IQCJ: variants seen among roughly 807,000 people sequenced by gnomAD.
The protein encoded by IQCJ is IQ motif containing J.
In IQCJ, 9 loss-of-function variants were observed where a neutral mutation model predicts 11.0. The ratio of observed to expected loss-of-function variants is 0.82; its 90% CI spans 0.49 to 1.43. The LOEUF is 1.43. Ranked by LOEUF, IQCJ falls within the 40% of genes most tolerant of loss-of-function variation. The probability of loss-of-function intolerance (pLI) is 0.00; values close to 1 mark genes in which losing one functional copy is unlikely to be tolerated. For missense variants in IQCJ, 146 were observed against 133.2 expected (o/e 1.10, Z -0.47); for synonymous variants, 55 against 51.3 (o/e 1.07, Z -0.31).
chr3:159,257,143 C>A (rs1727940863), intron 3 of IQCJ, among the ~76,000 whole-genome samples: 1 of 152,148 alleles, frequency 6.6e-6, no homozygotes, highest in African/African-American at 2.4e-5. Context: ...TGTTAATCAC[C>A]TACTTGTCAT....
chr3:159,135,092 A>G (rs377624074), intron 1 of IQCJ, among the ~76,000 whole-genome samples: 23 of 152,084 alleles, frequency 1.5e-4, no homozygotes, highest in African/African-American at 4.6e-4. Flanking sequence ...AGCCAGTTGG[A>G]CTCATGTGCT....
intron 1 of IQCJ, among the ~76,000 whole-genome samples, chr3:159,132,993 T>C (rs922717421): frequency 1.3e-5 from 2 of 152,230 alleles, no homozygotes; most frequent in African/African-American, 4.8e-5. Flanking sequence ...AGAACTATAA[T>C]ATTTGGTTTC....
At chr3:159,209,569 G>A (rs977412462) in intron 1 of IQCJ, among the ~76,000 whole-genome samples, 1 of 152,148 alleles carries the variant, frequency 6.6e-6, no homozygotes, top group Non-Finnish European at 1.5e-5. Context: ...ACTGCTAAAA[G>A]GGCACTGCTT....
chr3:159,155,081 C>T (rs1165018300), intron 1 of IQCJ, among the ~76,000 whole-genome samples: 8 of 152,252 alleles, frequency 5.3e-5, no homozygotes, highest in South Asian at 2.1e-4. Context: ...ACACTGAACA[C>T]GGGCTCCCCT....
intron 2 of IQCJ, among the ~76,000 whole-genome samples, chr3:159,248,603 C>T (rs1321446047): frequency 6.6e-6 from 1 of 152,128 alleles, no homozygotes; most frequent in Non-Finnish European, 1.5e-5. Flanking sequence ...TAAAAATGCC[C>T]TGGCTTAAGC....
In IQCJ at chr3:159,088,092, A is replaced by G. The variant is rs1447194120; in HGVS notation, c.9+18651A>G. Among the ~76,000 whole-genome samples, 162 of 152,040 alleles carry G rather than the reference A, an allele frequency of 1.1e-3. No homozygotes were observed. The East Asian group carries it at 0.012, about 11-fold the overall frequency. On this transcript the variant is annotated intron_variant, in intron 1 of 3. Transcript: ENST00000397832. ...TTTCCCTCTACACACTGCTTTGAATATGTCCCAGAGATTCTGGTATGTTGT... is the reference window on the plus strand; with the variant it reads ...TTTCCCTCTACACACTGCTTTGAATGTGTCCCAGAGATTCTGGTATGTTGT...
intron 1 of IQCJ, among the ~76,000 whole-genome samples, chr3:159,072,433 G>C (rs6798734): frequency 6.6e-6 from 1 of 151,742 alleles, no homozygotes; most frequent in East Asian, 1.9e-4. Flanking sequence ...GAAGGTGATG[G>C]CATTGTATGG....
At chr3:159,148,500 GA>G (rs1460262746) in intron 1 of IQCJ, among the ~76,000 whole-genome samples, 1 of 152,130 alleles carries the variant, frequency 6.6e-6, no homozygotes, top group Non-Finnish European at 1.5e-5. Flanking sequence ...GGATATTCTC[GA>G]AAGAATCTGT....
At chr3:159,072,454 C>T (rs912286899) in intron 1 of IQCJ, among the ~76,000 whole-genome samples, 5 of 151,702 alleles carry the variant, frequency 3.3e-5, no homozygotes, top group African/African-American at 9.7e-5. Context: ...AGAGAGGAGC[C>T]GTATTGGAAG....
intron 1 of IQCJ, among the ~76,000 whole-genome samples, chr3:159,131,306 G>A (rs1231014124): frequency 1.4e-5 from 2 of 147,338 alleles, no homozygotes; most frequent in Admixed American, 1.4e-4. Flanking sequence ...ACCACCCCCC[G>A]CCTCACCCCC....
intron 1 of IQCJ, among the ~76,000 whole-genome samples, chr3:159,232,619 G>T (rs994431333): frequency 3.9e-5 from 6 of 151,996 alleles, no homozygotes; most frequent in African/African-American, 9.7e-5. Context: ...TTTTGCATTT[G>T]CTGAGGAGGG....
chr3:159,168,363 A>T (rs772634483), intron 1 of IQCJ, among the ~76,000 whole-genome samples: 18 of 152,232 alleles, frequency 1.2e-4, no homozygotes, highest in Non-Finnish European at 2.4e-4. Context: ...CAGCAAAAAT[A>T]CTGTGTAAAT....
At chr3:159,225,416 G>A (rs1014041204) in intron 1 of IQCJ, among the ~76,000 whole-genome samples, 1 of 152,158 alleles carries the variant, frequency 6.6e-6, no homozygotes, top group African/African-American at 2.4e-5. Context: ...TAAGGGGGGA[G>A]CAGAGGAGCC....
chr3:159,212,928 G>T (rs1725031049), intron 1 of IQCJ, among the ~76,000 whole-genome samples: 1 of 152,190 alleles, frequency 6.6e-6, no homozygotes, highest in Non-Finnish European at 1.5e-5. Context: ...ACATCCTTCT[G>T]TAGTAAACAC....
intron 3 of IQCJ, 142 bp from the exon 4 acceptor site, chr3:159,262,406 C>T: frequency 1.5e-6 from 2 of 1,293,384 alleles, no homozygotes; most frequent in South Asian, 1.7e-5. Context: ...TCTCCTGATT[C>T]ACTACATCAC....
intron 1 of IQCJ, among the ~76,000 whole-genome samples, chr3:159,216,284 G>C (rs78560522): frequency 0.011 from 1,720 of 152,092 alleles, 29 homozygotes; most frequent in African/African-American, 0.04. Flanking sequence ...TGTCAACCAG[G>C]TCTAATTTTT....
intron 1 of IQCJ, among the ~76,000 whole-genome samples, chr3:159,135,588 C>G (rs1279918406): frequency 6.6e-6 from 1 of 152,184 alleles, no homozygotes; most frequent in East Asian, 1.9e-4. Flanking sequence ...CACATGACTT[C>G]CTCCATCACT....
chr3:159,079,290 C>T (rs1716151948), intron 1 of IQCJ, among the ~76,000 whole-genome samples: 2 of 152,048 alleles, frequency 1.3e-5, no homozygotes, highest in South Asian at 4.1e-4. Context: ...GGAGCAGTCA[C>T]CTCCCCTAAA....
intron 1 of IQCJ, among the ~76,000 whole-genome samples, chr3:159,072,330 G>T (rs1261741500): frequency 6.6e-6 from 1 of 152,020 alleles, no homozygotes; most frequent in Non-Finnish European, 1.5e-5. Flanking sequence ...AGCGGGGGAG[G>T]AGGTTATTAG....
Sources: allele counts gnomAD v4.1 joint callset (sites outside exome capture counted in the v4.1 genomes callset), GRCh38; gene constraint gnomAD v4.1.1; transcripts MANE v1.5; gene names NCBI Gene and HGNC (gene_info 2026-07-23, HGNC 2026-07-21).